Variants in PIAS3 observed in about 807,000 individuals in gnomAD.
The protein encoded by PIAS3 is protein inhibitor of activated STAT 3.
PIAS3 carries 34 observed loss-of-function variants against 67.6 expected under a neutral mutation model. That is an observed-to-expected ratio of 0.50 (90% CI 0.38 to 0.67). The LOEUF (loss-of-function observed/expected upper bound fraction) is 0.67. Ranked by LOEUF, PIAS3 falls within the 30% of genes least tolerant of loss-of-function variation. The probability of loss-of-function intolerance (pLI) is 0.00; values close to 1 mark genes in which losing one functional copy is unlikely to be tolerated. For missense variants in PIAS3, 693 were observed against 791.6 expected (o/e 0.88, Z 1.49); for synonymous variants, 341 against 313.8 (o/e 1.09, Z -0.92).
At chr1:145,854,407 G>A (rs1415230542) in intron 7 of PIAS3, 51 bp downstream of exon 7, 1 of 1,281,148 alleles carries the variant, frequency 7.8e-7, no homozygotes, top group African/African-American at 1.5e-5. Context: ...TGGAGGGCCA[G>A]GAAGACTTGA....
Position 145,853,809 on chromosome 1 carries a change from C to T in PIAS3, c.984+4G>A. On this transcript the variant is annotated splice_donor_region_variant and intron_variant, in intron 8 of 13. Coordinates refer to ENST00000393045, the MANE Select transcript of PIAS3 (RefSeq NM_006099.3). ...ACCCTGTTCCCTTCTCCCCTTTTAC[C>T]CACCGGGCACATGAGTGACACCCGG... The T allele has an allele frequency of 6.2e-7, 1 of 1,613,792 alleles. No individual in the cohort carries two copies. Among genetic ancestry groups the T allele is most frequent in the South Asian group, 1.1e-5 (1 of 91,076 alleles).
At position 145,850,882 on chromosome 1, in the gene PIAS3, T is replaced by G. The variant is rs782816711; in HGVS notation, c.1337A>C (p.Glu446Ala). 1 of 1,614,200 alleles carries G rather than the reference T, an allele frequency of 6.2e-7. No homozygotes were observed. The highest frequency in any genetic ancestry group is 8.5e-7 in the Non-Finnish European group (1 of 1,180,036). ...GDPSENKKKV[E>A]VIDLTIESSS... ...GCTTTCTATTGTCAAGTCAATAACT[T>G]CGACCTTCTTCTTATTCTCTGATGG... The change falls in exon 11 of 14, where the codon GAA (glutamate) becomes GCA (alanine). Residue 446 changes from glutamate to alanine, a missense_variant. By Grantham distance (107) the Glu-to-Ala change is moderately radical. Transcript: ENST00000393045.
At chr1:145,850,144 C>T in intron 13 of PIAS3, 88 bp downstream of exon 13, 1 of 1,600,608 alleles carries the variant, frequency 6.2e-7, no homozygotes, top group Non-Finnish European at 8.5e-7. Flanking sequence ...TTTACATCCC[C>T]AGAGATCATA....
intron 12 of PIAS3, 37 bp downstream of exon 12, chr1:145,850,416 T>C (rs781915267): frequency 1.9e-6 from 3 of 1,612,824 alleles, no homozygotes; most frequent in Non-Finnish European, 2.5e-6. Flanking sequence ...GGGGAGGGTG[T>C]GGCAGTGCAG....
intron 4 of PIAS3, 32 bp from the exon 5 acceptor site, chr1:145,855,858 G>T: frequency 7.2e-7 from 1 of 1,389,090 alleles, no homozygotes; most frequent in Non-Finnish European, 1.0e-6. Flanking sequence ...AGAAAGAGTG[G>T]GAAGAAATTT....
intron 1 of PIAS3, among the ~76,000 whole-genome samples, 189 bp downstream of exon 1, chr1:145,858,778 C>A (rs1194459585): frequency 6.6e-6 from 1 of 151,416 alleles, no homozygotes; most frequent in Admixed American, 6.6e-5. Context: ...ATCTGCCCCG[C>A]AGCCCCGCCC....
At chr1:145,850,051 C>T in intron 13 of PIAS3, 181 bp downstream of exon 13, 2 of 1,454,906 alleles carry the variant, frequency 1.4e-6, no homozygotes, top group Non-Finnish European at 9.0e-7. Context: ...GGAAGGAGGC[C>T]TAAGTAGGAA....
Position 145,853,593 on chromosome 1 carries a change from G to A in PIAS3, c.1056C>T (p.Ala352=). 6.2e-7 allele frequency: 1 copy of A among 1,613,946 alleles called. No homozygotes were observed. The highest frequency in any genetic ancestry group is 2.2e-5 in the East Asian group (1 of 44,880). ...TCAHLQSFDA[A]LYLQMNEKKP... The stretch of plus-strand genomic sequence containing the variant: ...TCTTCTCATTCATCTGTAGATAAAG[G>A]GCAGCATCGAAGCTCTGCAGGTGGG... The change falls in exon 9 of 14, where the codon GCC becomes GCT. Residue 352 remains alanine (A), a synonymous_variant. Transcript: ENST00000393045.
intron 5 of PIAS3, among the ~76,000 whole-genome samples, chr1:145,855,293 C>G (rs1173389915): frequency 2.0e-5 from 3 of 152,060 alleles, no homozygotes; most frequent in Non-Finnish European, 2.9e-5. Context: ...ACCAGCCTAG[C>G]TAACATGGTA....
intron 5 of PIAS3, 55 bp downstream of exon 5, chr1:145,855,681 A>G: frequency 1.1e-6 from 1 of 944,634 alleles, no homozygotes; most frequent in East Asian, 2.4e-5. Context: ...TGTAGTTAAT[A>G]TTTATGAACT....
chr1:145,858,944 G>A, intron 1 of PIAS3, 23 bp downstream of exon 1: 1 of 1,518,652 alleles, frequency 6.6e-7, no homozygotes, highest in Non-Finnish European at 8.8e-7. Context: ...GTCCAGATGG[G>A]GATGGGGGGA....
rs148993534 is a variant in PIAS3, at chr1:145,856,742, G to T, written c.289C>A (p.Pro97Thr). 6.8e-6 allele frequency: 11 copies of T among 1,613,962 alleles called. No individual in the cohort carries two copies. Among genetic ancestry groups the T allele is most frequent in the African/African-American group, 6.7e-5 (5 of 74,900 alleles). ...VGSPGPLAPI[P>T]PTLLAPGTLL... is the part of the protein sequence containing the mutation. ...GTGCCAGGGGCCAACAGCGTTGGGG[G>T]AATGGGAGCTAGAGGACCAGGGGAG... Residue 97 changes from proline (P) to threonine (T), a missense_variant, in exon 2 of 14, where the codon CCC becomes ACC. Transcript: ENST00000393045.
Position 145,856,680 on chromosome 1 carries a change from G to T in PIAS3, c.351C>A (p.Pro117=). 2 of 1,609,078 alleles carry T rather than the reference G, an allele frequency of 1.2e-6. No individual in the cohort carries two copies. Among genetic ancestry groups the T allele is most frequent in the South Asian group, 2.2e-5 (2 of 90,866 alleles). The change falls in exon 2 of 14, where the codon CCC becomes CCA. Residue 117 remains proline (P), a synonymous_variant. Transcript: ENST00000393045. ...LGPKREVDMH[P]PLPQPVHPDV... ...CAGGGTGCACAGGCTGGGGCAGAGG[G>T]GGGTGCATGTCCACCTCACGCTTGG...
At chr1:145,854,427 A>C in intron 7 of PIAS3, 31 bp downstream of exon 7, 1 of 1,424,430 alleles carries the variant, frequency 7.0e-7, no homozygotes, top group Non-Finnish European at 9.9e-7. Flanking sequence ...AATCCAGATC[A>C]GGTGGGGAAG....
chr1:145,849,678 T>G lies in PIAS3; in HGVS notation c.1655A>C (p.Glu552Ala). Residue 552 changes from glutamate (E) to alanine (A), a missense_variant, in exon 14 of 14, where the codon GAA (glutamate) becomes GCA (alanine). Around this residue, in one of 3 missense-constraint regions of PIAS3, gnomAD observed 270 missense variants for 261.0 expected, o/e 1.03. Coordinates refer to ENST00000393045, the MANE Select transcript of PIAS3 (RefSeq NM_006099.3). ...YGPSVITSLD[E>A]QDALGHFFQY... ...GAAGAAGTGGCCAAGGGCATCCTGTTCATCTAGTGAGGTGATGACAGAGGG... is the reference window on the plus strand; with the variant it reads ...GAAGAAGTGGCCAAGGGCATCCTGTGCATCTAGTGAGGTGATGACAGAGGG... 1 of 1,611,324 alleles carries G rather than the reference T, an allele frequency of 6.2e-7. No homozygotes were observed. Among genetic ancestry groups the G allele is most frequent in the South Asian group, 1.1e-5 (1 of 90,712 alleles).
intron 8 of PIAS3, 39 bp from the exon 9 acceptor site, chr1:145,853,703 T>C: frequency 6.2e-7 from 1 of 1,611,508 alleles, no homozygotes; most frequent in Non-Finnish European, 8.5e-7. Context: ...GGCCCTACTC[T>C]GATTTCATCC....
At chr1:145,854,006 G>T in intron 7 of PIAS3, 120 bp from the exon 8 acceptor site, 1 of 767,020 alleles carries the variant, frequency 1.3e-6, no homozygotes, top group Non-Finnish European at 2.2e-6. Flanking sequence ...GTCTTTGGGG[G>T]CCAGTGGGAC....
chr1:145,849,807 C>A, intron 13 of PIAS3, 95 bp from the exon 14 acceptor site: 1 of 1,493,394 alleles, frequency 6.7e-7, no homozygotes, highest in South Asian at 1.4e-5. Context: ...AGCAATCAAC[C>A]CCTGTGGATC....
In PIAS3 at chr1:145,856,446, G is replaced by A. The variant is rs782770961; in HGVS notation, c.443-15C>T. 6.2e-7 allele frequency: 1 copy of A among 1,613,188 alleles called. No individual in the cohort carries two copies. The highest frequency in any genetic ancestry group is 8.5e-7 in the Non-Finnish European group (1 of 1,179,180). On this transcript the variant is annotated splice_polypyrimidine_tract_variant and intron_variant, in intron 2 of 13. Transcript: ENST00000393045. ...AGAAGTGGATGCTGAGGATACAAAG[G>A]GGCAGTTATTCCAAGCCCATGCACA... is the stretch of plus-strand genomic sequence containing the variant.
Sources: gnomAD v4.1 joint callset for allele counts (sites outside exome capture counted in the v4.1 genomes callset) on GRCh38, gnomAD v4.1.1 for gene constraint, gnomAD v4.1.1 regional missense constraint, MANE v1.5 for transcripts, NCBI Gene and HGNC (gene_info 2026-07-23, HGNC 2026-07-21) for gene names.